The following SATB1 variants were observed in gnomAD, a reference collection of about 807,000 sequenced individuals.
The protein encoded by SATB1 is DNA-binding protein SATB1.
SATB1 carries 11 observed loss-of-function variants against 86.9 expected under a neutral mutation model. That is an observed-to-expected ratio of 0.13 (90% CI 0.08 to 0.21). SATB1 has a LOEUF of 0.21. Ranked by LOEUF, SATB1 falls within the 10% of genes least tolerant of loss-of-function variation. The pLI, the probability that SATB1 is intolerant of heterozygous loss-of-function variation, is 1.00. For synonymous variants in SATB1, 357 were observed against 357.2 expected (o/e 1.00, Z 0.01); for missense variants, 551 against 937.6 (o/e 0.59, Z 5.39).
intron 8 of SATB1, among the ~76,000 whole-genome samples, chr3:18,384,779 C>T (rs1696243952): frequency 6.6e-6 from 1 of 151,956 alleles, no homozygotes; most frequent in Admixed American, 6.6e-5. Context: ...GTTCCTCATT[C>T]TTTATCTTAG....
At chr3:18,358,548 C>T (rs2049655235) in intron 9 of SATB1, among the ~76,000 whole-genome samples, 1 of 151,878 alleles carries the variant, frequency 6.6e-6, no homozygotes, top group African/African-American at 2.4e-5. Flanking sequence ...TTAAAGAAAA[C>T]ATGGAAAATA....
At chr3:18,415,895 C>T (rs73040334) in intron 4 of SATB1, 112 bp downstream of exon 4, 36,139 of 1,033,882 alleles carry the variant, frequency 0.035, 784 homozygotes, top group Non-Finnish European at 0.043. Flanking sequence ...CTGTATTAAC[C>T]TTTCTGAAAC....
rs116040519 is a variant in SATB1 at position 18,383,989 on chromosome 3, T to G, written c.1419+2410A>C. On this transcript the variant is annotated intron_variant, in intron 8 of 10. Coordinates refer to ENST00000338745, the MANE Select transcript of SATB1 (RefSeq NM_002971.6). ...ACATACACATATCAGTTAGTCATTT[T>G]GGAGTTTGGTTAGATGGCCAGTAAT... 7.5e-3 allele frequency among the ~76,000 whole-genome samples: 1,145 copies of G among 152,296 alleles called. 21 individuals carry two copies. Among genetic ancestry groups the G allele is most frequent in the South Asian group, 0.048 (233 of 4,822 alleles).
intron 9 of SATB1, among the ~76,000 whole-genome samples, chr3:18,356,226 C>G (rs1487794082): frequency 6.6e-6 from 1 of 151,776 alleles, no homozygotes; most frequent in African/African-American, 2.4e-5. Flanking sequence ...TTATTGAGAA[C>G]TAAAAGTCTT....
chr3:18,420,573 G>C (rs1698329507), intron 2 of SATB1, 184 bp downstream of exon 2: 1 of 602,724 alleles, frequency 1.7e-6, no homozygotes, highest in Non-Finnish European at 3.0e-6. Flanking sequence ...CTCCACCCAA[G>C]CATGGAGGCT....
rs367842035 is a variant in SATB1 at position 18,406,739 on chromosome 3, T to C, written c.639+8372A>G. ...AGCTTGAAATGTCAGTAGGTTTTCT[T>C]AGAGAAAAATTCAGAAGTGATTTGT... On this transcript the variant is annotated intron_variant, in intron 5 of 10. Transcript: ENST00000338745. 3.3e-3 allele frequency among the ~76,000 whole-genome samples: 495 copies of C among 152,128 alleles called. 1 individual carries two copies. Among genetic ancestry groups the C allele is most frequent in the African/African-American group, 0.011 (447 of 41,542 alleles).
chr3:18,416,017 G>T lies in SATB1; in HGVS notation c.505C>A (p.Gln169Lys), dbSNP rs1328336101. The change falls in exon 4 of 11, where the codon CAG becomes AAG. Residue 169 changes from glutamine (Q) to lysine (K), a missense_variant. This residue lies in a region of SATB1 where 153 missense variants were observed against 258.1 expected (regional missense o/e 0.59). Coordinates refer to ENST00000338745, the MANE Select transcript of SATB1 (RefSeq NM_002971.6). ...DVYHVVTLKI[Q>K]LHSCPKLEDL... ...GCTGTCTTGACTCACCTGTGTAACTGAATTTTCAATGTGACCACATGATAC... is the reference window on the plus strand; with the variant it reads ...GCTGTCTTGACTCACCTGTGTAACTTAATTTTCAATGTGACCACATGATAC... The T allele has an allele frequency of 6.2e-7, 1 of 1,602,404 alleles. No homozygotes were observed. Among genetic ancestry groups the T allele is most frequent in the South Asian group, 1.1e-5 (1 of 89,514 alleles).
upstream of SATB1, among the ~76,000 whole-genome samples, chr3:18,441,279 T>G (rs1281928527): frequency 6.6e-6 from 1 of 152,170 alleles, no homozygotes; most frequent in Admixed American, 6.5e-5. Flanking sequence ...TTTTTATATA[T>G]GAGTACTGAG....
chr3:18,378,364 G>A, intron 8 of SATB1, 39 bp from the exon 9 acceptor site: 1 of 1,602,222 alleles, frequency 6.2e-7, no homozygotes, highest in Non-Finnish European at 8.5e-7. Context: ...TTTTTCATTG[G>A]CTGAATTGTT....
At chr3:18,428,250 C>CTTGAA (rs1195178351), upstream of SATB1, among the ~76,000 whole-genome samples, 4 of 152,154 alleles carry the variant, frequency 2.6e-5, no homozygotes, top group African/African-American at 9.7e-5. Flanking sequence ...TGGCAAGGGG[C>CTTGAA]TTGAGTATGC....
chr3:18,441,860 T>A (rs964168350), upstream of SATB1, among the ~76,000 whole-genome samples: 1 of 152,292 alleles, frequency 6.6e-6, no homozygotes, highest in African/African-American at 2.4e-5. Context: ...TCACTCAGCA[T>A]ATCATGTCTT....
chr3:18,405,403 CT>C (rs1697472481), intron 5 of SATB1, among the ~76,000 whole-genome samples: 1 of 151,738 alleles, frequency 6.6e-6, no homozygotes. Context: ...TAAATAGAGC[CT>C]TTTAAAAAAA....
intron 2 of SATB1, among the ~76,000 whole-genome samples, chr3:18,435,973 C>G (rs888388480): frequency 2.0e-5 from 3 of 152,160 alleles, no homozygotes; most frequent in African/African-American, 7.2e-5. Context: ...GTCTTACAAG[C>G]AGCCCCACTC....
intron 1 of SATB1, chr3:18,438,493 T>C (rs1699144622): frequency 1.3e-5 from 2 of 152,200 alleles, no homozygotes; most frequent in Admixed American, 6.6e-5. Context: ...GAACACTCAA[T>C]GCCTATCTGT....
upstream of SATB1, among the ~76,000 whole-genome samples, chr3:18,439,840 A>T (rs1193365540): frequency 6.6e-6 from 1 of 152,200 alleles, no homozygotes; most frequent in Non-Finnish European, 1.5e-5. Context: ...GGGTCTTGAA[A>T]AAGAAAGGAT....
Position 18,378,157 on chromosome 3 carries a change from C to T in SATB1, c.1575+13G>A. On this transcript the variant is annotated intron_variant, in intron 9 of 10. Transcript: ENST00000338745. ...ACAGATAAACATTCTCAATGCCTAA[C>T]AGAGGCTCTTACCTGGCTTTTGGTT... 6.4e-7 allele frequency: 1 copy of T among 1,558,158 alleles called. No homozygotes were observed. Among genetic ancestry groups the T allele is most frequent in the Non-Finnish European group, 8.6e-7 (1 of 1,157,778 alleles).
rs926692553 is a variant in SATB1, at chr3:18,347,016, A to C, written c.*2154T>G. 1.3e-5 allele frequency: 2 copies of C among 152,220 alleles called. No homozygotes were observed. The highest frequency in any genetic ancestry group is 2.4e-5 in the African/African-American group (1 of 41,468). 9.4% of individuals were successfully genotyped at this position (152,220 alleles called of 1,614,324 possible). On this transcript the variant is annotated 3_prime_UTR_variant, in exon 11 of 11. Transcript: ENST00000338745. ...TCAGTACAATTTTAAGTTTGCAACA[A>C]ACCAGCTGCCTTCAGAGGAGCTTAG...
chr3:18,394,782 C>G lies in SATB1; in HGVS notation c.886G>C (p.Val296Leu). ...AQLSHGSQPSVRTPLPNLHPG... is the reference protein window; with the variant it reads ...AQLSHGSQPSLRTPLPNLHPG... ...TGCAGGTTTGGAAGAGGTGTCCGGACAGAGGGCTGGCTGCCATGGGAGAGC... is the reference window on the plus strand; with the variant it reads ...TGCAGGTTTGGAAGAGGTGTCCGGAGAGAGGGCTGGCTGCCATGGGAGAGC... The change falls in exon 7 of 11, where the codon GTC becomes CTC. Residue 296 changes from valine (V) to leucine (L), a missense_variant. Transcript: ENST00000338745. The surrounding 1 kb of genome is among the most constrained non-coding windows in gnomAD (Gnocchi z 5.9). 6.2e-7 allele frequency: 1 copy of G among 1,614,076 alleles called. No homozygotes were observed. The highest frequency in any genetic ancestry group is 8.5e-7 in the Non-Finnish European group (1 of 1,180,014).
chr3:18,354,318 G>C (rs1575079226), intron 9 of SATB1, among the ~76,000 whole-genome samples: 1 of 151,936 alleles, frequency 6.6e-6, no homozygotes, highest in African/African-American at 2.4e-5. Flanking sequence ...TTATCTTCTG[G>C]TAGGCTTGAA....
Sources: gnomAD v4.1 joint callset for allele counts (sites outside exome capture counted in the v4.1 genomes callset) on GRCh38, gnomAD v4.1.1 for gene constraint, gnomAD v4.1.1 regional missense constraint, Gnocchi (gnomAD v3.1) non-coding constraint, MANE v1.5 for transcripts, NCBI Gene and HGNC (gene_info 2026-07-23, HGNC 2026-07-21) for gene names.